The following SLC16A9 variants were observed in gnomAD, a reference collection of about 807,000 sequenced individuals.
SLC16A9 encodes solute carrier family 16 member 9, also known as monocarboxylate transporter 9.
SLC16A9 carries 26 observed loss-of-function variants against 44.3 expected under a neutral mutation model. The ratio of observed to expected loss-of-function variants is 0.59; its 90% confidence interval spans 0.43 to 0.81. The LOEUF is 0.81. SLC16A9 is among the 40% of genes least tolerant of loss of function. The pLI is 0.00. For missense variants in SLC16A9, 559 were observed against 595.8 expected (o/e 0.94, Z 0.64); for synonymous variants, 230 against 225.1 (o/e 1.02, Z -0.19).
chr10:59,681,238 G>T (rs1020464630), intron 2 of SLC16A9, among the ~76,000 whole-genome samples: 7 of 151,864 alleles, frequency 4.6e-5, no homozygotes, highest in African/African-American at 1.7e-4. Flanking sequence ...CTGATGGTCA[G>T]TGTGACTTGC....
chr10:59,666,710 C>A (rs547157369), intron 3 of SLC16A9, among the ~76,000 whole-genome samples: 10 of 152,086 alleles, frequency 6.6e-5, no homozygotes, highest in Non-Finnish European at 1.3e-4. Context: ...GCTGAAATAA[C>A]CACTTTTAAA....
intron 4 of SLC16A9, among the ~76,000 whole-genome samples, chr10:59,662,008 A>T (rs528729463): frequency 1.3e-5 from 2 of 152,236 alleles, no homozygotes; most frequent in South Asian, 4.1e-4. Context: ...AGATTTAAAT[A>T]TAAGACCTAA....
At position 59,664,264 on chromosome 10, in the gene SLC16A9, G is replaced by A. The variant is rs200290377; in HGVS notation, c.399C>T (p.Asp133=). 2.2e-5 allele frequency: 35 copies of A among 1,612,260 alleles called. No individual in the cohort carries two copies. The highest frequency in any genetic ancestry group is 4.0e-5 in the African/African-American group (3 of 74,940). ...GGCCAAGCGCTAGGCCTCGGCGATC[G>A]TCAAAATACTGGCACGTAATGGTCA... ...ATVTITCQYF[D]DRRGLALGLI... Residue 133 remains aspartate (D), a synonymous_variant, in exon 4 of 6, where the codon GAC becomes GAT. Transcript: ENST00000395348.
At chr10:59,700,854 G>A (rs768795721) in intron 1 of SLC16A9, among the ~76,000 whole-genome samples, 1 of 152,036 alleles carries the variant, frequency 6.6e-6, no homozygotes, top group Non-Finnish European at 1.5e-5. Context: ...CACTGTTTAC[G>A]TCTCTGTTTT....
chr10:59,662,979 A>T (rs1009584037), intron 4 of SLC16A9, among the ~76,000 whole-genome samples: 2 of 152,226 alleles, frequency 1.3e-5, no homozygotes, highest in Admixed American at 6.5e-5. Context: ...ACACATGCAC[A>T]TGTATGTTTA....
At chr10:59,667,604 C>A (rs965413707) in intron 3 of SLC16A9, among the ~76,000 whole-genome samples, 4 of 152,246 alleles carry the variant, frequency 2.6e-5, no homozygotes, top group Non-Finnish European at 4.4e-5. Flanking sequence ...TAGACTAAAT[C>A]TAAGTATAAT....
chr10:59,684,234 A>G lies in SLC16A9; in HGVS notation c.58T>C (p.Phe20Leu), dbSNP rs201812008. The G allele has an allele frequency of 1.2e-6, 2 of 1,614,020 alleles. No individual in the cohort carries two copies. The highest frequency in any genetic ancestry group is 1.3e-5 in the African/African-American group (1 of 74,920). ...GWGWVIVFVS[F>L]LTQFLCYGSP... ...CCGTAACACAAAAACTGAGTAAGGA[A>G]GGAGACAAACACAATCACCCAGCCC... is the stretch of plus-strand genomic sequence containing the variant. The change falls in exon 2 of 6, where the codon TTC (phenylalanine) becomes CTC (leucine). Residue 20 changes from phenylalanine to leucine, a missense_variant. By Grantham distance (22) the Phe-to-Leu change is conservative. Coordinates refer to ENST00000395348, the MANE Select transcript of SLC16A9 (RefSeq NM_194298.3).
chr10:59,698,266 T>G (rs1442077314), intron 1 of SLC16A9, among the ~76,000 whole-genome samples: 1 of 152,214 alleles, frequency 6.6e-6, no homozygotes, highest in Non-Finnish European at 1.5e-5. Flanking sequence ...TTAGATCCTT[T>G]CAGGAGAATA....
At position 59,665,201 on chromosome 10, in the gene SLC16A9, C is replaced by T. The variant is rs536865966; in HGVS notation, c.341-879G>A. Reference sequence around the variant, plus strand: ...CCAGTTTGTTTTTCATATAATTCTCCGTTGGCCCTCAGTCATTTACTTTAT... The same window carrying T: ...CCAGTTTGTTTTTCATATAATTCTCTGTTGGCCCTCAGTCATTTACTTTAT... On this transcript the variant is annotated intron_variant, in intron 3 of 5. Coordinates refer to ENST00000395348, the MANE Select transcript of SLC16A9 (RefSeq NM_194298.3). Among the ~76,000 whole-genome samples, 38 of 152,218 alleles carry T rather than the reference C, an allele frequency of 2.5e-4. No individual in the cohort carries two copies. The Middle Eastern group carries it at 0.01, about 41-fold the overall frequency.
intron 3 of SLC16A9, among the ~76,000 whole-genome samples, chr10:59,668,532 G>A (rs1839674837): frequency 6.6e-6 from 1 of 152,150 alleles, no homozygotes; most frequent in Non-Finnish European, 1.5e-5. Flanking sequence ...TGTGCTACAA[G>A]TTATATATTT....
In SLC16A9 at chr10:59,654,235, T is replaced by C; in HGVS notation, c.791A>G (p.Glu264Gly). Residue 264 changes from glutamate (E) to glycine (G), a missense_variant, in exon 5 of 6, where the codon GAG becomes GGG. Physicochemically the swap from Glu to Gly is moderately conservative, Grantham distance 98. Transcript: ENST00000395348. ...AACTTTCTTTTTGTACGTTTCAGGC[T>C]CTTTTGTGTGTGTCACTGTGGGGTT... ...HKNPTVTHTK[E>G]PETYKKKVAE... is the part of the protein sequence containing the mutation. 2.5e-6 allele frequency: 4 copies of C among 1,614,182 alleles called. No homozygotes were observed. The South Asian group carries it at 4.4e-5, about 18-fold the overall frequency.
intron 3 of SLC16A9, among the ~76,000 whole-genome samples, chr10:59,669,014 C>T (rs770437241): frequency 5.9e-5 from 9 of 151,866 alleles, no homozygotes; most frequent in Non-Finnish European, 1.0e-4. Context: ...CAGTGGACTA[C>T]GCAGGTATTA....
intron 4 of SLC16A9, among the ~76,000 whole-genome samples, chr10:59,663,412 G>A (rs1489840480): frequency 6.6e-6 from 1 of 152,034 alleles, no homozygotes; most frequent in Non-Finnish European, 1.5e-5. Context: ...TACACTCCAC[G>A]GAATACTATG....
At chr10:59,655,833 A>T (rs1309080603) in intron 4 of SLC16A9, among the ~76,000 whole-genome samples, 1 of 152,230 alleles carries the variant, frequency 6.6e-6, no homozygotes, top group Non-Finnish European at 1.5e-5. Context: ...TTACATTATA[A>T]TCTCATCAGG....
chr10:59,709,095 T>G (rs1243758887), intron 1 of SLC16A9, among the ~76,000 whole-genome samples: 1 of 152,174 alleles, frequency 6.6e-6, no homozygotes, highest in Non-Finnish European at 1.5e-5. Context: ...GAGGCCCACC[T>G]GCATCACATG....
chr10:59,689,766 A>G (rs1463395731), intron 1 of SLC16A9, among the ~76,000 whole-genome samples: 1 of 152,190 alleles, frequency 6.6e-6, no homozygotes, highest in African/African-American at 2.4e-5. Flanking sequence ...GATTATTTTA[A>G]CCATCCATAC....
At position 59,651,340 on chromosome 10, in the gene SLC16A9, A is replaced by C. The variant is rs985372350; in HGVS notation, c.*1432T>G. 6.6e-6 allele frequency: 1 copy of C among 152,206 alleles called. No homozygotes were observed. Among genetic ancestry groups the C allele is most frequent in the South Asian group, 2.1e-4 (1 of 4,832 alleles). The allele number at this position is 152,206 out of a possible 1,614,324, so 9.4% of individuals were successfully genotyped here. ...ACAATGGGAAGGGTGCCTCCTATTT[A>C]AAGAACACTTGGCTATTGGTTTATA... On this transcript the variant is annotated 3_prime_UTR_variant, in exon 6 of 6. Coordinates refer to ENST00000395348, the MANE Select transcript of SLC16A9 (RefSeq NM_194298.3).
Position 59,653,780 on chromosome 10 carries a change from G to C in SLC16A9, c.1246C>G (p.Pro416Ala). The C allele has an allele frequency of 6.2e-7, 1 of 1,614,042 alleles. No individual in the cohort carries two copies. Residue 416 changes from proline to alanine, a missense_variant, in exon 5 of 6, where the codon CCA becomes GCA. Transcript: ENST00000395348. ...GFLTGNWSIFPYVTTKTVGIE... is the reference protein window; with the variant it reads ...GFLTGNWSIFAYVTTKTVGIE... ...CCCACAGTCTTCGTGGTCACATATG[G>C]AAAGATGGACCAATTACCAGTAAGA...
At chr10:59,702,794 G>A (rs1840553114) in intron 1 of SLC16A9, among the ~76,000 whole-genome samples, 1 of 152,078 alleles carries the variant, frequency 6.6e-6, no homozygotes, top group African/African-American at 2.4e-5. Context: ...AATCGAAATT[G>A]CCATATTAAC....
Sources: allele counts gnomAD v4.1 joint callset (sites outside exome capture counted in the v4.1 genomes callset), GRCh38; gene constraint gnomAD v4.1.1; transcripts MANE v1.5; gene names NCBI Gene and HGNC (gene_info 2026-07-23, HGNC 2026-07-21).